CSMD3: variants seen among roughly 807,000 people sequenced by gnomAD.
CSMD3 encodes CUB and sushi domain-containing protein 3.
CSMD3 carries 177 observed loss-of-function variants against 435.2 expected under a neutral mutation model. The ratio of observed to expected loss-of-function variants is 0.41; its 90% CI spans 0.36 to 0.46. The LOEUF is 0.46. CSMD3 is among the 20% of genes least tolerant of loss of function. CSMD3 has a pLI of 0.34. For missense variants in CSMD3, 4,265 were observed against 4,504.6 expected, an observed-to-expected ratio of 0.95 and a Z score of 1.52; for synonymous variants, 1,656 against 1,520.5, an observed-to-expected ratio of 1.09 and a Z score of -2.07.
intron 25 of CSMD3, among the ~76,000 whole-genome samples, chr8:112,553,332 T>C (rs538299410): frequency 1.2e-4 from 18 of 152,220 alleles, no homozygotes; most frequent in South Asian, 2.1e-4. Context: ...AGTATCGTCA[T>C]GCAATATAAT....
chr8:112,827,164 A>AATATATATATATATATATATAT (rs3047126), intron 12 of CSMD3, among the ~76,000 whole-genome samples: 7 of 82,828 alleles, frequency 8.5e-5, no homozygotes, highest in African/African-American at 9.3e-5. Flanking sequence ...GGTTACCATA[A>AATATATATATATATATATATAT]ATATATATAT....
chr8:112,335,463 T>C lies in CSMD3; in HGVS notation c.7031A>G (p.Asp2344Gly). 1 of 1,613,956 alleles carries C rather than the reference T, an allele frequency of 6.2e-7. No individual in the cohort carries two copies. Among genetic ancestry groups the C allele is most frequent in the Non-Finnish European group, 8.5e-7 (1 of 1,179,916 alleles). Residue 2344 changes from aspartate (D) to glycine (G), a missense_variant, in exon 45 of 71, where the codon GAC becomes GGC. Physicochemically the swap from Asp to Gly is moderately conservative, Grantham distance 94. Transcript: ENST00000297405. ...YDFITVWDGPDQNSPQIGQFS... is the reference protein window; with the variant it reads ...YDFITVWDGPGQNSPQIGQFS... ...CTGACCGATCTGAGGTGAATTTTGG[T>C]CTGGTCCATCCCTATGAGACAAGGA...
intron 1 of CSMD3, among the ~76,000 whole-genome samples, chr8:113,399,092 T>TATATA (rs2094497191): frequency 1.3e-5 from 1 of 79,484 alleles, no homozygotes; most frequent in South Asian, 5.9e-4. Flanking sequence ...TATATATATA[T>TATATA]ATATATATAT....
chr8:112,325,425 GTTTCACAGTCTGGCAAT>G (rs1416140198), intron 45 of CSMD3, among the ~76,000 whole-genome samples: 4 of 151,982 alleles, frequency 2.6e-5, no homozygotes. Flanking sequence ...AGTTAACTTT[GTTTCACAGTCTGGCAAT>G]TTTCACAATC....
At chr8:113,144,708 T>C in intron 4 of CSMD3, among the ~76,000 whole-genome samples, 1 of 151,516 alleles carries the variant, frequency 6.6e-6, no homozygotes, top group Non-Finnish European at 1.5e-5. Flanking sequence ...ATGCCTTATG[T>C]CCCTATATTA....
At chr8:112,924,658 A>G (rs1388063598) in intron 9 of CSMD3, among the ~76,000 whole-genome samples, 3 of 151,820 alleles carry the variant, frequency 2.0e-5, no homozygotes, top group Admixed American at 2.0e-4. Context: ...TTTTGCTACT[A>G]TACTAAAGAT....
intron 1 of CSMD3, among the ~76,000 whole-genome samples, chr8:113,409,882 G>T (rs2094550237): frequency 8.6e-6 from 1 of 115,638 alleles, no homozygotes. Context: ...AAACAGCTTT[G>T]TAGAAAAAAA....
chr8:113,227,232 A>G (rs1226224616), intron 3 of CSMD3, among the ~76,000 whole-genome samples: 1 of 151,566 alleles, frequency 6.6e-6, no homozygotes, highest in Non-Finnish European at 1.5e-5. Flanking sequence ...GAAAACTTTT[A>G]TAGTAATTTC....
At chr8:112,909,544 T>C (rs1012280214) in intron 10 of CSMD3, among the ~76,000 whole-genome samples, 3 of 151,828 alleles carry the variant, frequency 2.0e-5, no homozygotes, top group African/African-American at 7.2e-5. Flanking sequence ...GTTGATACTT[T>C]TGACAAACTT....
intron 10 of CSMD3, among the ~76,000 whole-genome samples, chr8:112,899,862 G>A (rs1250526366): frequency 2.0e-5 from 3 of 150,156 alleles, no homozygotes; most frequent in South Asian, 2.1e-4. Context: ...CAGAGAGAGA[G>A]AGACTTATAT....
rs2131171090 is a variant in CSMD3 at position 113,019,153 on chromosome 8, G to A, written c.944C>T (p.Pro315Leu). The A allele has an allele frequency of 6.2e-7, 1 of 1,612,108 alleles. No homozygotes were observed. Among genetic ancestry groups the A allele is most frequent in the Non-Finnish European group, 8.5e-7 (1 of 1,178,360 alleles). The change falls in exon 6 of 71, where the codon CCA becomes CTA. Residue 315 changes from proline to leucine, a missense_variant. By Grantham distance (98) the Pro-to-Leu change is moderately conservative. Transcript: ENST00000297405. ...GAGCCAGTTTTTGTTGCTGATAATT[G>A]GTGGTGGTATATTCATTCCAGATAA... The part of the protein sequence containing the change: ...IWLSGMNIPP[P>L]IISNKNWLRL...
intron 57 of CSMD3, among the ~76,000 whole-genome samples, chr8:112,289,026 G>C (rs1183947374): frequency 6.6e-6 from 1 of 152,040 alleles, no homozygotes; most frequent in African/African-American, 2.4e-5. Context: ...TGTGGTATCT[G>C]CTAAAATGGG....
At chr8:112,827,164 AATATATATATATATATATATATATATAT>A (rs3047126) in intron 12 of CSMD3, among the ~76,000 whole-genome samples, 2 of 82,852 alleles carry the variant, frequency 2.4e-5, no homozygotes, top group Non-Finnish European at 4.4e-5. Flanking sequence ...GGTTACCATA[AATATATATATATATATATATATATATAT>A]ATATATATAT....
At chr8:112,790,705 C>A (rs2078666385) in intron 13 of CSMD3, among the ~76,000 whole-genome samples, 1 of 152,086 alleles carries the variant, frequency 6.6e-6, no homozygotes, top group South Asian at 2.1e-4. Context: ...CAGAGTATAA[C>A]CACTTCAACA....
intron 22 of CSMD3, among the ~76,000 whole-genome samples, chr8:112,593,048 A>C (rs1831333864): frequency 6.6e-6 from 1 of 152,194 alleles, no homozygotes; most frequent in African/African-American, 2.4e-5. Flanking sequence ...TTCCAAACGT[A>C]ATCAAATTGT....
intron 1 of CSMD3, among the ~76,000 whole-genome samples, chr8:113,395,439 T>C (rs1189084571): frequency 6.6e-6 from 1 of 151,916 alleles, no homozygotes; most frequent in Non-Finnish European, 1.5e-5. Flanking sequence ...AAACCCCGTC[T>C]CTACTAAAAA....
At chr8:112,795,839 T>C (rs534024378) in intron 13 of CSMD3, among the ~76,000 whole-genome samples, 20 of 152,206 alleles carry the variant, frequency 1.3e-4, no homozygotes, top group South Asian at 1.2e-3. Context: ...ACAAAAGCAT[T>C]AAATACTGTG....
At chr8:112,244,702 TAATA>T (rs1235523832) in intron 64 of CSMD3, 129 bp from the exon 65 acceptor site, 39 of 664,258 alleles carry the variant, frequency 5.9e-5, no homozygotes, top group Non-Finnish European at 7.8e-6. Context: ...ATAATTATTC[TAATA>T]AATCACAAAA....
chr8:112,817,415 A>G (rs1477830280), intron 12 of CSMD3, among the ~76,000 whole-genome samples: 1 of 149,432 alleles, frequency 6.7e-6, no homozygotes, highest in Non-Finnish European at 1.5e-5. Context: ...ATTTATACGT[A>G]AGTGTAAAAA....
Sources: gnomAD v4.1 joint callset for allele counts (sites outside exome capture counted in the v4.1 genomes callset) on GRCh38, gnomAD v4.1.1 for gene constraint, MANE v1.5 for transcripts, NCBI Gene and HGNC (gene_info 2026-07-23, HGNC 2026-07-21) for gene names.